Variants in PDK2 observed in about 807,000 individuals in gnomAD.
The protein encoded by PDK2 is pyruvate dehydrogenase kinase 2.
Under a neutral mutation model 50.4 loss-of-function variants are expected in PDK2, and 34 were observed. The ratio of observed to expected loss-of-function variants is 0.68; its 90% CI spans 0.51 to 0.90. The LOEUF is 0.90. Among genes scored for constraint, PDK2 ranks in the 40% least tolerant of loss-of-function variants. PDK2 has a pLI of 0.00. For missense variants in PDK2, 377 were observed against 544.5 expected (o/e 0.69, Z 3.06); for synonymous variants, 232 against 216.0 (o/e 1.07, Z -0.65).
chr17:50,105,835 C>T (rs1340176813), intron 3 of PDK2, 50 bp from the exon 4 acceptor site: 19 of 1,586,362 alleles, frequency 1.2e-5, no homozygotes, highest in South Asian at 4.6e-5. Flanking sequence ...GAGTCAGAAG[C>T]GGAGAAGAGT....
Position 50,106,068 on chromosome 17 carries a change from CA to C in PDK2, c.517del (p.Thr173ProfsTer85). 6.3e-7 allele frequency: 1 copy of C among 1,597,944 alleles called. No individual in the cohort carries two copies. The highest frequency in any genetic ancestry group is 8.5e-7 in the Non-Finnish European group (1 of 1,172,144). On this transcript the variant is annotated frameshift_variant and splice_region_variant, in exon 4 of 11. Coordinates refer to ENST00000503176, the MANE Select transcript of PDK2 (RefSeq NM_002611.5). LOFTEE classifies it high-confidence loss of function. ...CCATCCGCATGCTCATCAACCAGCA[CA>C]GTGGGTGCCGGCCACAGCGGCGGGG... is the stretch of plus-strand genomic sequence containing the variant. ...ISIRMLINQHTLIFDGSTNPA... is the reference protein window; with the variant it reads ...ISIRMLINQHXLIFDGSTNPA...
rs957174121 is a variant in PDK2 at position 50,109,536 on chromosome 17, G to T, written c.1083+136G>T. The T allele has an allele frequency of 3.6e-5, 21 of 587,232 alleles. No homozygotes were observed. Among genetic ancestry groups the T allele is most frequent in the Admixed American group, 1.9e-4 (6 of 31,260 alleles). The allele number at this position is 587,232 out of a possible 1,614,324, so 36.4% of individuals were successfully genotyped here. A position where few individuals can be genotyped will look rare whatever the true frequency, so the allele number is the denominator to read the frequency against. Reference sequence around the variant, plus strand: ...CCCAGACTCTGAGAATCCAAGCAAAGCTACAGTTCCTCAACCTGAAGAACC... The same window carrying T: ...CCCAGACTCTGAGAATCCAAGCAAATCTACAGTTCCTCAACCTGAAGAACC... On this transcript the variant is annotated intron_variant, in intron 10 of 10. Coordinates refer to ENST00000503176, the MANE Select transcript of PDK2 (RefSeq NM_002611.5). The surrounding 1 kb of genome is among the most constrained non-coding windows in gnomAD (Gnocchi z 5.0).
chr17:50,105,909 C>A lies in PDK2; in HGVS notation c.357C>A (p.Ile119=). The change falls in exon 4 of 11, where the codon ATC becomes ATA. Residue 119 remains isoleucine, a synonymous_variant. Coordinates refer to ENST00000503176, the MANE Select transcript of PDK2 (RefSeq NM_002611.5). The part of the protein sequence containing the change: ...LSQFTDALVT[I]RNRHNDVVPT... ...GGTTCACTGACGCCCTGGTCACCATCCGGAACCGGCACAACGACGTGGTGC... is the reference window on the plus strand; with the variant it reads ...GGTTCACTGACGCCCTGGTCACCATACGGAACCGGCACAACGACGTGGTGC... 6.2e-7 allele frequency: 1 copy of A among 1,613,690 alleles called. No homozygotes were observed. The highest frequency in any genetic ancestry group is 1.1e-5 in the South Asian group (1 of 90,922).
chr17:50,108,224 C>A lies in PDK2; in HGVS notation c.754C>A (p.Leu252Ile). 6.3e-7 allele frequency: 1 copy of A among 1,598,866 alleles called. No homozygotes were observed. Among genetic ancestry groups the A allele is most frequent in the Admixed American group, 1.7e-5 (1 of 57,832 alleles). The change falls in exon 7 of 11, where the codon CTC becomes ATC. Residue 252 changes from leucine (L) to isoleucine (I), a missense_variant. Coordinates refer to ENST00000503176, the MANE Select transcript of PDK2 (RefSeq NM_002611.5). ...PSHLYHMLFE[L>I]FKNAMRATVE... is the part of the protein sequence containing the mutation. ...CCACCTCTACCACATGCTCTTTGAGCTCTTCAAGGTGAGGAGGCTGGGAGC... is the reference window on the plus strand; with the variant it reads ...CCACCTCTACCACATGCTCTTTGAGATCTTCAAGGTGAGGAGGCTGGGAGC...
rs116644997 is a variant in PDK2 at position 50,099,174 on chromosome 17, A to T, written c.260+1610A>T. ...GAGTGGTGGGAAGGAGACAGAAGGT[A>T]CCATCTGTTCTCCCTGGCCCTCCTC... On this transcript the variant is annotated intron_variant, in intron 2 of 10. Transcript: ENST00000503176. 4.8e-3 allele frequency among the ~76,000 whole-genome samples: 723 copies of T among 152,166 alleles called. 4 individuals are homozygous for T. Among genetic ancestry groups the T allele is most frequent in the African/African-American group, 0.016 (684 of 41,528 alleles).
At chr17:50,102,351 T>C (rs116763361) in intron 2 of PDK2, among the ~76,000 whole-genome samples, 3,319 of 152,274 alleles carry the variant, frequency 0.022, 106 homozygotes, top group African/African-American at 0.071. Flanking sequence ...CCAGGCCCCA[T>C]TCCTGCCCTC....
chr17:50,108,090 G>T, intron 6 of PDK2, 66 bp from the exon 7 acceptor site: 1 of 1,355,938 alleles, frequency 7.4e-7, no homozygotes, highest in Non-Finnish European at 1.0e-6. Flanking sequence ...TGCCTCCTTT[G>T]GGTAAGGTGG....
chr17:50,106,931 C>T (rs1337072115), intron 5 of PDK2, 48 bp downstream of exon 5: 6 of 1,550,438 alleles, frequency 3.9e-6, no homozygotes, highest in Non-Finnish European at 5.3e-6. Context: ...CCCGGGGACC[C>T]CTCCAAGCTT....
chr17:50,108,515 TC>T, intron 8 of PDK2, 96 bp from the exon 9 acceptor site: 4 of 1,332,310 alleles, frequency 3.0e-6, no homozygotes, highest in Non-Finnish European at 4.3e-6. Flanking sequence ...GGTGGGCAGA[TC>T]CTGGGGGTGG....
intron 1 of PDK2, 67 bp from the exon 2 acceptor site, chr17:50,097,356 C>T: frequency 6.4e-7 from 1 of 1,552,616 alleles, no homozygotes; most frequent in Admixed American, 1.8e-5. Flanking sequence ...TTTAGCTGAC[C>T]TGGCCGAGAC....
intron 2 of PDK2, chr17:50,097,901 A>G (rs1420956485): frequency 4.0e-6 from 1 of 252,728 alleles, no homozygotes; most frequent in Non-Finnish European, 7.7e-6. Context: ...CTGGAACTCC[A>G]GTAACTGTTA....
intron 3 of PDK2, 75 bp from the exon 4 acceptor site, chr17:50,105,810 A>T: frequency 6.5e-7 from 1 of 1,538,578 alleles, no homozygotes; most frequent in Non-Finnish European, 8.8e-7. Context: ...GCGGGTGAAG[A>T]CACCGTGGAG....
upstream of PDK2, chr17:50,094,890 G>A (rs1280689066): frequency 7.7e-6 from 1 of 130,206 alleles, no homozygotes; most frequent in Non-Finnish European, 1.7e-5. Context: ...ACCCGTTAAG[G>A]GAGGATAGGT....
At chr17:50,105,181 A>G (rs1910441118) in intron 2 of PDK2, 190 bp from the exon 3 acceptor site, 1 of 481,254 alleles carries the variant, frequency 2.1e-6, no homozygotes, top group African/African-American at 2.0e-5. Flanking sequence ...TTCTTGCATA[A>G]CTGACTGGGT....
chr17:50,097,675 C>A, intron 2 of PDK2, 111 bp downstream of exon 2: 2 of 1,302,178 alleles, frequency 1.5e-6, no homozygotes, highest in Non-Finnish European at 2.1e-6. Context: ...TGGGGACAGA[C>A]AGGAGACACC....
At chr17:50,094,855 G>A (rs1054063197), upstream of PDK2, 1 of 152,272 alleles carries the variant, frequency 6.6e-6, no homozygotes, top group Non-Finnish European at 1.5e-5. Flanking sequence ...CTGGGTCACT[G>A]TCATCCGGAC....
intron 2 of PDK2, among the ~76,000 whole-genome samples, chr17:50,104,936 C>G (rs1299690391): frequency 6.6e-6 from 1 of 152,236 alleles, no homozygotes; most frequent in African/African-American, 2.4e-5. Context: ...TGCAACAACA[C>G]CCCGGCGGGG....
upstream of PDK2, chr17:50,094,954 T>G (rs981426958): frequency 6.4e-6 from 1 of 155,540 alleles, no homozygotes; most frequent in Non-Finnish European, 1.4e-5. Flanking sequence ...AGGGATTGGT[T>G]GAAAGCTACC....
At chr17:50,100,854 C>G (rs1371052254) in intron 2 of PDK2, 1 of 152,196 alleles carries the variant, frequency 6.6e-6, no homozygotes, top group Non-Finnish European at 1.5e-5. Context: ...AGACTGGATT[C>G]TTGAAGGGAA....
Sources: gnomAD v4.1 joint callset for allele counts (sites outside exome capture counted in the v4.1 genomes callset) on GRCh38, gnomAD v4.1.1 for gene constraint, Gnocchi (gnomAD v3.1) non-coding constraint, MANE v1.5 for transcripts, NCBI Gene and HGNC (gene_info 2026-07-23, HGNC 2026-07-21) for gene names.